Variants in CATSPERD observed in about 807,000 individuals in gnomAD.
CATSPERD encodes the protein cation channel sperm-associated auxiliary subunit delta.
Under a neutral mutation model 98.1 loss-of-function variants are expected in CATSPERD, and 86 were observed. That is an observed-to-expected ratio of 0.88 (90% CI 0.74 to 1.05). CATSPERD has a LOEUF of 1.05. CATSPERD is among the 50% of genes least tolerant of loss of function. The pLI is 0.00. For missense variants in CATSPERD, 995 were observed against 1,005.7 expected, an observed-to-expected ratio of 0.99 and a Z score of 0.14; for synonymous variants, 394 against 390.2, an observed-to-expected ratio of 1.01 and a Z score of -0.12.
At chr19:5,721,227 C>T (rs1040255232) in intron 1 of CATSPERD, among the ~76,000 whole-genome samples, 3 of 152,204 alleles carry the variant, frequency 2.0e-5, no homozygotes, top group East Asian at 1.9e-4. Flanking sequence ...TGGTCCCGAT[C>T]TCCTGACCTC....
chr19:5,736,307 G>A (rs1430678067), intron 5 of CATSPERD, among the ~76,000 whole-genome samples: 1 of 152,146 alleles, frequency 6.6e-6, no homozygotes, highest in Non-Finnish European at 1.5e-5. Context: ...GGCATTGAGT[G>A]GTGGGTAGAG....
chr19:5,766,724 G>A (rs1283861799), intron 17 of CATSPERD, among the ~76,000 whole-genome samples: 4 of 147,644 alleles, frequency 2.7e-5, no homozygotes, highest in African/African-American at 5.0e-5. Flanking sequence ...ATGGAGTCTC[G>A]CCCTGTCACC....
chr19:5,758,366 A>G (rs1377875381), intron 14 of CATSPERD, among the ~76,000 whole-genome samples: 2 of 151,984 alleles, frequency 1.3e-5, no homozygotes, highest in African/African-American at 2.4e-5. Flanking sequence ...AGGGAATAGG[A>G]GCCATCATAT....
intron 13 of CATSPERD, among the ~76,000 whole-genome samples, chr19:5,755,802 T>A (rs1052012448): frequency 2.7e-5 from 4 of 146,480 alleles, no homozygotes; most frequent in Admixed American, 1.4e-4. Flanking sequence ...TAAATAAAAA[T>A]AAATTAAAAA....
intron 12 of CATSPERD, chr19:5,753,788 G>A (rs1468002370): frequency 3.9e-6 from 1 of 256,404 alleles, no homozygotes; most frequent in Non-Finnish European, 7.8e-6. Context: ...GAAGAGGATT[G>A]CTTGATCCTG....
chr19:5,754,261 T>A lies in CATSPERD; in HGVS notation c.1278+16T>A. ...GATTCCTCTGGTAAGTACATCTTAATGTTTCTGCTATCTGGGATTCTCAGC... is the reference window on the plus strand; with the variant it reads ...GATTCCTCTGGTAAGTACATCTTAAAGTTTCTGCTATCTGGGATTCTCAGC... On this transcript the variant is annotated intron_variant, in intron 13 of 21. Transcript: ENST00000381624. 3.2e-6 allele frequency: 5 copies of A among 1,573,806 alleles called. No homozygotes were observed. In the South Asian group the frequency reaches 4.4e-5, roughly 14 times the overall value.
intron 14 of CATSPERD, among the ~76,000 whole-genome samples, chr19:5,758,217 G>A (rs920294378): frequency 1.3e-5 from 2 of 152,012 alleles, no homozygotes; most frequent in Non-Finnish European, 2.9e-5. Context: ...GATTGCGTGG[G>A]GGCAGTTTCC....
At chr19:5,736,256 T>C (rs1446324513) in intron 5 of CATSPERD, among the ~76,000 whole-genome samples, 1 of 152,076 alleles carries the variant, frequency 6.6e-6, no homozygotes, top group Non-Finnish European at 1.5e-5. Context: ...TGGCAATGTC[T>C]GGAGACATTT....
intron 4 of CATSPERD, among the ~76,000 whole-genome samples, chr19:5,733,603 C>T (rs1437550573): frequency 6.6e-6 from 1 of 151,892 alleles, no homozygotes; most frequent in Non-Finnish European, 1.5e-5. Flanking sequence ...ATTACAGGCA[C>T]CTGCTGCCAC....
At chr19:5,748,728 CTTT>C (rs527796326) in intron 10 of CATSPERD, among the ~76,000 whole-genome samples, 1 of 94,080 alleles carries the variant, frequency 1.1e-5, no homozygotes, top group Non-Finnish European at 1.9e-5. Context: ...TCATATTATT[CTTT>C]TTTTTTTTTT....
Position 5,733,867 on chromosome 19 carries a change from A to G in CATSPERD, c.288A>G (p.Pro96=). The stretch of plus-strand genomic sequence containing the variant: ...ATGATAACTTTTAGGTCGGCGTACC[A>G]GAAGTGACATCAGCACATTTTGCTG... The part of the protein sequence containing the change: ...TIPTSMQVGV[P]EVTSAHFAGS... The change falls in exon 5 of 22, where the codon CCA becomes CCG. Residue 96 remains proline (P), a synonymous_variant. Coordinates refer to ENST00000381624, the MANE Select transcript of CATSPERD (RefSeq NM_152784.4). 1.2e-6 allele frequency: 2 copies of G among 1,610,608 alleles called. No homozygotes were observed. The highest frequency in any genetic ancestry group is 1.3e-5 in the African/African-American group (1 of 74,782).
intron 14 of CATSPERD, among the ~76,000 whole-genome samples, chr19:5,758,545 T>C (rs151218951): frequency 0.044 from 5,945 of 134,842 alleles, 187 homozygotes; most frequent in South Asian, 0.071. Flanking sequence ...CTGGCCAACA[T>C]GGTGAAACCC....
At chr19:5,775,573 C>T (rs537033712) in intron 20 of CATSPERD, among the ~76,000 whole-genome samples, 10 of 144,170 alleles carry the variant, frequency 6.9e-5, no homozygotes, top group Non-Finnish European at 1.2e-4. Context: ...TGCATGCATC[C>T]GGGAGGCAGA....
intron 12 of CATSPERD, among the ~76,000 whole-genome samples, chr19:5,752,762 T>C (rs151079613): frequency 0.025 from 3,783 of 152,070 alleles, 62 homozygotes; most frequent in South Asian, 0.056. Flanking sequence ...GCGTGGTGGC[T>C]CATTCCTGTA....
At chr19:5,755,893 A>T (rs757363421) in intron 13 of CATSPERD, among the ~76,000 whole-genome samples, 3 of 152,160 alleles carry the variant, frequency 2.0e-5, no homozygotes, top group Non-Finnish European at 4.4e-5. Flanking sequence ...AGGCAGGAGG[A>T]TCACTTGAGC....
intron 21 of CATSPERD, 132 bp from the exon 22 acceptor site, chr19:5,778,244 G>T (rs1278264716): frequency 1.3e-5 from 8 of 629,056 alleles, no homozygotes; most frequent in African/African-American, 1.9e-5. Context: ...GATGGAAACA[G>T]AAGTGGGTAT....
At chr19:5,739,964 T>C (rs918717506) in intron 7 of CATSPERD, among the ~76,000 whole-genome samples, 2 of 152,084 alleles carry the variant, frequency 1.3e-5, no homozygotes, top group Non-Finnish European at 2.9e-5. Context: ...GCACCATTTA[T>C]GCCATTTAAG....
At chr19:5,725,185 A>G (rs975314481) in intron 2 of CATSPERD, among the ~76,000 whole-genome samples, 1 of 151,966 alleles carries the variant, frequency 6.6e-6, no homozygotes, top group African/African-American at 2.4e-5. Flanking sequence ...AGGGTCTTGC[A>G]CTGTTGCCCA....
intron 15 of CATSPERD, among the ~76,000 whole-genome samples, chr19:5,762,056 A>T (rs1240339856): frequency 0.032 from 458 of 14,450 alleles, 13 homozygotes; most frequent in Non-Finnish European, 0.058. Context: ...ATATATATAT[A>T]TATTTTTTTT....
Sources: gnomAD v4.1 joint callset for allele counts (sites outside exome capture counted in the v4.1 genomes callset) on GRCh38, gnomAD v4.1.1 for gene constraint, MANE v1.5 for transcripts, NCBI Gene and HGNC (gene_info 2026-07-23, HGNC 2026-07-21) for gene names.